The following LRIG2 variants were observed in gnomAD, a reference collection of about 807,000 sequenced individuals.
LRIG2 encodes leucine rich repeats and immunoglobulin like domains 2, also known as leucine-rich repeats and immunoglobulin-like domains protein 2.
LRIG2 carries 93 observed loss-of-function variants against 107.8 expected under a neutral mutation model. The observed-to-expected ratio is 0.86, with a 90% CI of 0.73 to 1.03. The LOEUF (loss-of-function observed/expected upper bound fraction) is 1.03. Ranked by LOEUF, LRIG2 falls within the 50% of genes least tolerant of loss-of-function variation. The pLI, the probability that LRIG2 is intolerant of heterozygous loss-of-function variation, is 0.00. For synonymous variants in LRIG2, 471 were observed against 470.6 expected, an observed-to-expected ratio of 1.00 and a Z score of -0.01; for missense variants, 1,226 against 1,296.0, an observed-to-expected ratio of 0.95 and a Z score of 0.83.
At chr1:113,098,176 C>T (rs1654146870) in intron 8 of LRIG2, among the ~76,000 whole-genome samples, 1 of 152,156 alleles carries the variant, frequency 6.6e-6, no homozygotes, top group African/African-American at 2.4e-5. Context: ...GACACGCTAA[C>T]ACATGGGTTT....
At chr1:113,109,559 C>T (rs561757677) in intron 12 of LRIG2, among the ~76,000 whole-genome samples, 1 of 152,066 alleles carries the variant, frequency 6.6e-6, no homozygotes, top group Non-Finnish European at 1.5e-5. Context: ...GCTCTTTTGC[C>T]CAGGCTGGAG....
chr1:113,104,057 A>G (rs1654426186), intron 11 of LRIG2, among the ~76,000 whole-genome samples: 1 of 152,060 alleles, frequency 6.6e-6, no homozygotes, highest in Admixed American at 6.6e-5. Context: ...ATATTGCTCC[A>G]CCACTGGTTC....
At position 113,119,351 on chromosome 1, in the gene LRIG2, A is replaced by G. The variant is rs143661098; in HGVS notation, c.2799A>G (p.Thr933=). 9.6e-4 allele frequency: 1,546 copies of G among 1,613,968 alleles called. 3 individuals are homozygous for G. The highest frequency in any genetic ancestry group is 2.2e-3 in the Admixed American group (132 of 59,992). ...CTGAGGAGGACGTTCTTGATCAGAC[A>G]CTGTCCAGCCTCATGGTCCAAATGC... ...YIAEEDVLDQ[T]LSSLMVQMPK... is the part of the protein sequence containing the mutation. Residue 933 remains threonine (T), a synonymous_variant, in exon 17 of 18, where the codon ACA becomes ACG. Coordinates refer to ENST00000361127, the MANE Select transcript of LRIG2 (RefSeq NM_014813.3).
At chr1:113,116,192 C>A in intron 15 of LRIG2, 95 bp from the exon 16 acceptor site, 3 of 1,031,146 alleles carry the variant, frequency 2.9e-6, no homozygotes, top group Non-Finnish European at 2.9e-6. Flanking sequence ...GTTTTTCTTG[C>A]TAATAGTATC....
intron 11 of LRIG2, among the ~76,000 whole-genome samples, chr1:113,105,148 A>T (rs142691572): frequency 0.011 from 1,749 of 152,178 alleles, 38 homozygotes; most frequent in African/African-American, 0.039. Flanking sequence ...TCTGTCTCAA[A>T]AAATAAATAA....
At position 113,124,014 on chromosome 1, in the gene LRIG2, T is replaced by C. The variant is rs757562589; in HGVS notation, c.3111T>C (p.Ala1037=). 12 of 1,614,174 alleles carry C rather than the reference T, an allele frequency of 7.4e-6. No homozygotes were observed. Among genetic ancestry groups the C allele is most frequent in the Non-Finnish European group, 1.0e-5 (12 of 1,180,028 alleles). Reference sequence around the variant, plus strand: ...CAGGGAGAGAGCCAGACTGTTCTGCTTCTTCCATGTCCTGCCACAGGTTAC... The same window carrying C: ...CAGGGAGAGAGCCAGACTGTTCTGCCTCTTCCATGTCCTGCCACAGGTTAC... ...GLAGREPDCS[A]SSMSCHRLQD... is the part of the protein sequence containing the mutation. The change falls in exon 18 of 18, where the codon GCT becomes GCC. Residue 1037 remains alanine, a synonymous_variant. Coordinates refer to ENST00000361127, the MANE Select transcript of LRIG2 (RefSeq NM_014813.3).
At position 113,116,322 on chromosome 1, in the gene LRIG2, T is replaced by C. The variant is rs1418041035; in HGVS notation, c.2566T>C (p.Leu856=). 12 of 1,613,908 alleles carry C rather than the reference T, an allele frequency of 7.4e-6. No homozygotes were observed. Among genetic ancestry groups the C allele is most frequent in the Non-Finnish European group, 8.5e-6 (10 of 1,179,870 alleles). Residue 856 remains leucine (L), a synonymous_variant, in exon 16 of 18, where the codon TTG becomes CTG. Transcript: ENST00000361127. ...TCTGCCTGCAGACATTCCCAGCTAC[T>C]TGTCTTCCCAAGGAACGCTGTCTGA... ...LNLPADIPSY[L]SSQGTLSEPQ... is the part of the protein sequence containing the mutation.
intron 3 of LRIG2, 26 bp from the exon 4 acceptor site, chr1:113,093,404 G>C: frequency 6.2e-7 from 1 of 1,611,940 alleles, no homozygotes; most frequent in Non-Finnish European, 8.5e-7. Context: ...AGTGGCAGCA[G>C]CTTCATTATA....
At chr1:113,107,474 G>A in intron 11 of LRIG2, 120 bp from the exon 12 acceptor site, 1 of 910,286 alleles carries the variant, frequency 1.1e-6, no homozygotes, top group Non-Finnish European at 1.6e-6. Context: ...GTTTTCTCAT[G>A]ATTTATGTTA....
At position 113,112,674 on chromosome 1, in the gene LRIG2, T is replaced by TGAAAATAGAAGATATGG; in HGVS notation, c.1998_2014dup (p.Ile672LysfsTer2). 1 of 1,614,018 alleles carries TGAAAATAGAAGATATGG rather than the reference T, an allele frequency of 6.2e-7. No individual in the cohort carries two copies. The highest frequency in any genetic ancestry group is 8.5e-7 in the Non-Finnish European group (1 of 1,179,956). ...GATGACGTCTTCTTTATTGCCAATGTGAAAATAGAAGATATGGGAATCTAT... is the reference window on the plus strand; with the variant it reads ...GATGACGTCTTCTTTATTGCCAATGTGAAAATAGAAGATATGGGAAAATAGAAGATATGGGAATCTAT... On this transcript the variant is annotated frameshift_variant, in exon 14 of 18. Transcript: ENST00000361127. LOFTEE classifies it high-confidence loss of function.
chr1:113,090,286 T>G (rs184401348), intron 1 of LRIG2, among the ~76,000 whole-genome samples: 5 of 152,278 alleles, frequency 3.3e-5, no homozygotes, highest in African/African-American at 7.2e-5. Flanking sequence ...GCACAATAAA[T>G]GGCATATTTT....
At chr1:113,090,919 T>G (rs1288961996) in intron 1 of LRIG2, among the ~76,000 whole-genome samples, 1 of 151,564 alleles carries the variant, frequency 6.6e-6, no homozygotes, top group Non-Finnish European at 1.5e-5. Flanking sequence ...TGACGTGAAC[T>G]TGGCTCACTG....
chr1:113,086,629 T>G (rs1653566676), intron 1 of LRIG2, among the ~76,000 whole-genome samples: 1 of 152,192 alleles, frequency 6.6e-6, no homozygotes, highest in Admixed American at 6.5e-5. Flanking sequence ...GAACTTGATT[T>G]TCTCTTTGAA....
At chr1:113,076,240 A>G (rs1652979293) in intron 1 of LRIG2, among the ~76,000 whole-genome samples, 1 of 152,152 alleles carries the variant, frequency 6.6e-6, no homozygotes, top group Admixed American at 6.6e-5. Context: ...TCCTGACCTC[A>G]GGTGATCTGC....
In LRIG2 at chr1:113,103,109, T is replaced by C. The variant is rs1231005248; in HGVS notation, c.1313+2621T>C. On this transcript the variant is annotated intron_variant, in intron 11 of 17. Coordinates refer to ENST00000361127, the MANE Select transcript of LRIG2 (RefSeq NM_014813.3). Reference sequence around the variant, plus strand: ...TTTAAACAGTAGGTCAAAGCAAATATTGCAGTCTCAATCTTCAGAGAGTCA... The same window carrying C: ...TTTAAACAGTAGGTCAAAGCAAATACTGCAGTCTCAATCTTCAGAGAGTCA... 2.0e-5 allele frequency: 3 copies of C among 152,092 alleles called. No individual in the cohort carries two copies. In the East Asian group the frequency reaches 5.8e-4, roughly 29 times the overall value. The allele number at this position is 152,092 out of a possible 1,614,324, so 9.4% of individuals were successfully genotyped here.
intron 8 of LRIG2, among the ~76,000 whole-genome samples, chr1:113,096,997 C>T (rs1654094134): frequency 6.6e-6 from 1 of 152,042 alleles, no homozygotes. Flanking sequence ...TTTTATCATA[C>T]CAACAGAAGA....
chr1:113,124,542 G>T lies in LRIG2; in HGVS notation c.*441G>T. On this transcript the variant is annotated 3_prime_UTR_variant, in exon 18 of 18. Coordinates refer to ENST00000361127, the MANE Select transcript of LRIG2 (RefSeq NM_014813.3). ...GGAGCCTTCTGGGAAGTGTGCCTGGGATTCTTCAGTGGTTTCAGGCAGATA... is the reference window on the plus strand; with the variant it reads ...GGAGCCTTCTGGGAAGTGTGCCTGGTATTCTTCAGTGGTTTCAGGCAGATA... 6.0e-6 allele frequency: 1 copy of T among 167,644 alleles called. No individual in the cohort carries two copies. The allele number at this position is 167,644 out of a possible 1,614,324, so 10.4% of individuals were successfully genotyped here. A position where few individuals can be genotyped will look rare whatever the true frequency, so the allele number is the denominator to read the frequency against.
rs774323233 is a variant in LRIG2 at position 113,100,214 on chromosome 1, C to G, written c.1176C>G (p.Ile392Met). 15 of 1,563,956 alleles carry G rather than the reference C, an allele frequency of 9.6e-6. No individual in the cohort carries two copies. The East Asian group carries it at 3.2e-4, about 33-fold the overall frequency. The change falls in exon 10 of 18, where the codon ATC (isoleucine) becomes ATG (methionine). Residue 392 changes from isoleucine (I) to methionine (M), a missense_variant. Physicochemically the swap from Ile to Met is conservative, Grantham distance 10. Around this residue, in one of 3 missense-constraint regions of LRIG2, gnomAD observed 570 missense variants for 550.2 expected, o/e 1.04. Coordinates refer to ENST00000361127, the MANE Select transcript of LRIG2 (RefSeq NM_014813.3). ...GAAAGATCTGTTTATATTTCAGAAT[C>G]TTACAAGGAAACCAGATTAAGTCAA... The part of the protein sequence containing the change: ...FAGLTSLTKL[I>M]LQGNQIKSIT...
chr1:113,112,572 C>G lies in LRIG2; in HGVS notation c.1892C>G (p.Pro631Arg), dbSNP rs201034924. The G allele has an allele frequency of 2.5e-6, 4 of 1,614,182 alleles. No homozygotes were observed. Among genetic ancestry groups the G allele is most frequent in the Admixed American group, 1.7e-5 (1 of 60,010 alleles). Residue 631 changes from proline (P) to arginine (R), a missense_variant, in exon 14 of 18, where the codon CCT becomes CGT. Physicochemically the swap from Pro to Arg is moderately radical, Grantham distance 103. Transcript: ENST00000361127. ...TGTGCTGCAGAGGGACACCCTGCACCTCAGATTTCCTGGCAGAAAGATGGT... is the reference window on the plus strand; with the variant it reads ...TGTGCTGCAGAGGGACACCCTGCACGTCAGATTTCCTGGCAGAAAGATGGT... ...LECAAEGHPA[P>R]QISWQKDGGT...
Sources: allele counts gnomAD v4.1 joint callset (sites outside exome capture counted in the v4.1 genomes callset), GRCh38; gene constraint gnomAD v4.1.1; regional missense constraint gnomAD v4.1.1; transcripts MANE v1.5; gene names NCBI Gene and HGNC (gene_info 2026-07-23, HGNC 2026-07-21).